EPB41L3: variants seen among roughly 807,000 people sequenced by gnomAD.
EPB41L3 encodes band 4.1-like protein 3.
In EPB41L3, 57 loss-of-function variants were observed where a neutral mutation model predicts 127.1. The observed-to-expected ratio is 0.45, with a 90% confidence interval of 0.36 to 0.56. EPB41L3 has a LOEUF of 0.56. EPB41L3 is among the 20% of genes least tolerant of loss of function. The pLI is 0.00. For missense variants in EPB41L3, 1,273 were observed against 1,372.2 expected (o/e 0.93, Z 1.14); for synonymous variants, 572 against 549.5 (o/e 1.04, Z -0.57).
intron 8 of EPB41L3, among the ~76,000 whole-genome samples, chr18:5,429,642 A>C (rs2078704889): frequency 6.6e-6 from 1 of 152,230 alleles, no homozygotes; most frequent in African/African-American, 2.4e-5. Flanking sequence ...TAAGTTTGCC[A>C]ACAAAGCATA....
chr18:5,475,591 G>C (rs2087018519), intron 3 of EPB41L3, among the ~76,000 whole-genome samples: 1 of 152,212 alleles, frequency 6.6e-6, no homozygotes, highest in African/African-American at 2.4e-5. Context: ...CGATGAGTTT[G>C]TAATGAACTT....
chr18:5,567,482 A>G (rs1263273156), intron 3 of EPB41L3: 2 of 152,222 alleles, frequency 1.3e-5, no homozygotes, highest in Non-Finnish European at 2.9e-5. Flanking sequence ...TGGAGGCTGT[A>G]CGCTGTCATA....
intron 3 of EPB41L3, among the ~76,000 whole-genome samples, chr18:5,463,039 T>A (rs1366989323): frequency 1.3e-5 from 2 of 152,092 alleles, no homozygotes; most frequent in Admixed American, 1.3e-4. Flanking sequence ...ACTACCCACA[T>A]CCCCCTAATA....
chr18:5,606,224 T>G (rs752093215), intron 3 of EPB41L3, among the ~76,000 whole-genome samples: 1 of 152,150 alleles, frequency 6.6e-6, no homozygotes, highest in East Asian at 1.9e-4. Flanking sequence ...CAAAATAATT[T>G]GGGAAAATAA....
rs1483617037 is a variant in EPB41L3, at chr18:5,402,519, T to C, written c.2349+4258A>G. Among the ~76,000 whole-genome samples the C allele has an allele frequency of 2.0e-5, 3 of 152,116 alleles. No homozygotes were observed. In the East Asian group the frequency reaches 5.8e-4, roughly 29 times the overall value. ...TTTAAAAAATGCCTCTGTCTTATAA[T>C]TGAAAATATTAACAGTGTCTACATT... On this transcript the variant is annotated intron_variant, in intron 16 of 22. Transcript: ENST00000341928.
intron 13 of EPB41L3, among the ~76,000 whole-genome samples, chr18:5,413,594 C>G (rs1194885749): frequency 1.3e-5 from 2 of 152,180 alleles, no homozygotes; most frequent in African/African-American, 4.8e-5. Flanking sequence ...GAGATTAAAT[C>G]AGGCCATGTA....
rs1451691135 is a variant in EPB41L3 at position 5,397,620 on chromosome 18, T to C, written c.2473-194A>G. 2.0e-5 allele frequency among the ~76,000 whole-genome samples: 3 copies of C among 152,260 alleles called. No individual in the cohort carries two copies. The highest frequency in any genetic ancestry group is 2.9e-5 in the Non-Finnish European group (2 of 68,010). ...GATGCCTGCCCCTGCCCCTGGTGCA[T>C]GCACTTGAACCTGCGCTGCTGCTTC... On this transcript the variant is annotated intron_variant, in intron 17 of 22. Coordinates refer to ENST00000341928, the MANE Select transcript of EPB41L3 (RefSeq NM_012307.5). This position sits in a 1 kb window ranked among gnomAD's most constrained non-coding sequence, Gnocchi z 4.1.
chr18:5,532,463 G>A (rs77487865), intron 1 of EPB41L3, among the ~76,000 whole-genome samples: 2 of 152,284 alleles, frequency 1.3e-5, no homozygotes, highest in South Asian at 2.1e-4. Flanking sequence ...CATCAGTCTC[G>A]TCTTTTCACT....
intron 5 of EPB41L3, among the ~76,000 whole-genome samples, chr18:5,442,376 A>G (rs1384817096): frequency 1.3e-5 from 2 of 152,190 alleles, no homozygotes; most frequent in African/African-American, 4.8e-5. Flanking sequence ...AACATACGGT[A>G]AAGATGTCTT....
At position 5,398,120 on chromosome 18, in the gene EPB41L3, C is replaced by A. The variant is rs769197663; in HGVS notation, c.2373G>T (p.Lys791Asn). 1 of 1,614,120 alleles carries A rather than the reference C, an allele frequency of 6.2e-7. No homozygotes were observed. The highest frequency in any genetic ancestry group is 8.5e-7 in the Non-Finnish European group (1 of 1,180,014). ...PEETKQSSGEKLMDGSEIFSL... is the reference protein window; with the variant it reads ...PEETKQSSGENLMDGSEIFSL... ...TGAAGATTTCAGAGCCATCCATGAGCTTTTCCCCAGAAGACTGCTTAGTCT... is the reference window on the plus strand; with the variant it reads ...TGAAGATTTCAGAGCCATCCATGAGATTTTCCCCAGAAGACTGCTTAGTCT... The change falls in exon 17 of 23, where the codon AAG (lysine) becomes AAT (asparagine). Residue 791 changes from lysine (K) to asparagine (N), a missense_variant. Lys to Asn is a moderately conservative substitution (Grantham distance 94, BLOSUM62 0). Coordinates refer to ENST00000341928, the MANE Select transcript of EPB41L3 (RefSeq NM_012307.5).
At chr18:5,438,160 C>G (rs770774454) in intron 5 of EPB41L3, 50 bp from the exon 6 acceptor site, 1 of 1,564,274 alleles carries the variant, frequency 6.4e-7, no homozygotes, top group Non-Finnish European at 8.7e-7. Flanking sequence ...ATTCTTATGA[C>G]TCTAATCGAT....
intron 1 of EPB41L3, among the ~76,000 whole-genome samples, chr18:5,491,405 A>G (rs920664902): frequency 6.6e-6 from 1 of 152,190 alleles, no homozygotes; most frequent in African/African-American, 2.4e-5. Flanking sequence ...TGAATATCCC[A>G]TGATTTTAGT....
At chr18:5,513,505 C>T (rs2092629062) in intron 1 of EPB41L3, among the ~76,000 whole-genome samples, 1 of 152,190 alleles carries the variant, frequency 6.6e-6, no homozygotes. Flanking sequence ...AAACTGTGCA[C>T]ACTGTCCATT....
At chr18:5,467,921 C>A (rs1316149401) in intron 3 of EPB41L3, among the ~76,000 whole-genome samples, 1 of 152,170 alleles carries the variant, frequency 6.6e-6, no homozygotes, top group Non-Finnish European at 1.5e-5. Context: ...CCAGCTGCAG[C>A]TGTGGATTTG....
At chr18:5,617,467 A>C (rs925934228) in intron 1 of EPB41L3, among the ~76,000 whole-genome samples, 14 of 152,118 alleles carry the variant, frequency 9.2e-5, no homozygotes, top group East Asian at 7.8e-4. Context: ...CACAGGCGCC[A>C]GCCACCACAC....
intron 3 of EPB41L3, among the ~76,000 whole-genome samples, chr18:5,585,420 C>T (rs77094566): frequency 0.11 from 16,093 of 152,144 alleles, 964 homozygotes; most frequent in South Asian, 0.16. Flanking sequence ...TCTCCTGCCC[C>T]AGACTCCGGA....
intron 3 of EPB41L3, among the ~76,000 whole-genome samples, chr18:5,577,107 C>G (rs546026365): frequency 6.6e-6 from 1 of 152,284 alleles, no homozygotes; most frequent in South Asian, 2.1e-4. Flanking sequence ...AACTGAAAAG[C>G]AGAGCTTTCA....
chr18:5,622,513 A>G (rs1418473628), intron 1 of EPB41L3, among the ~76,000 whole-genome samples: 2 of 152,200 alleles, frequency 1.3e-5, no homozygotes, highest in East Asian at 3.8e-4. Flanking sequence ...GCTAAATAGT[A>G]AGGCAATCTT....
At chr18:5,529,951 T>C (rs2093358586) in intron 1 of EPB41L3, among the ~76,000 whole-genome samples, 1 of 152,038 alleles carries the variant, frequency 6.6e-6, no homozygotes, top group South Asian at 2.1e-4. Flanking sequence ...TGTGTGTGTG[T>C]GTGTGTGTGT....
Sources: gnomAD v4.1 joint callset for allele counts (sites outside exome capture counted in the v4.1 genomes callset) on GRCh38, gnomAD v4.1.1 for gene constraint, Gnocchi (gnomAD v3.1) non-coding constraint, MANE v1.5 for transcripts, NCBI Gene and HGNC (gene_info 2026-07-23, HGNC 2026-07-21) for gene names.